RPS6KA2: variants seen among roughly 807,000 people sequenced by gnomAD.
The protein encoded by RPS6KA2 is ribosomal protein S6 kinase alpha-2.
In RPS6KA2, 42 loss-of-function variants were observed where a neutral mutation model predicts 91.8. That is an observed-to-expected ratio of 0.46 (90% CI 0.36 to 0.59). The LOEUF is 0.59. Ranked by LOEUF, RPS6KA2 falls within the 20% of genes least tolerant of loss-of-function variation. The pLI is 0.00. For synonymous variants in RPS6KA2, 414 were observed against 393.6 expected (o/e 1.05, Z -0.61); for missense variants, 798 against 978.5 (o/e 0.82, Z 2.46).
intron 1 of RPS6KA2, among the ~76,000 whole-genome samples, chr6:166,567,058 A>G (rs1036832364): frequency 6.6e-6 from 1 of 152,256 alleles, no homozygotes; most frequent in African/African-American, 2.4e-5. Flanking sequence ...GGTCACATGA[A>G]TTAATGGCAA....
chr6:166,818,996 T>G (rs6929880), intron 2 of RPS6KA2, among the ~76,000 whole-genome samples: 94,983 of 151,654 alleles, frequency 0.63, 31,182 homozygotes, highest in Non-Finnish European at 0.74. Context: ...TCAGGATGCA[T>G]GTTTTCTTAT....
chr6:166,415,968 T>C (rs1562478353), intron 19 of RPS6KA2, among the ~76,000 whole-genome samples: 3 of 105,610 alleles, frequency 2.8e-5, no homozygotes, highest in Admixed American at 1.0e-4. Context: ...ACCATCATCT[T>C]CACCATCTCC....
At chr6:166,641,605 C>A (rs1202747321) in intron 2 of RPS6KA2, among the ~76,000 whole-genome samples, 2 of 150,532 alleles carry the variant, frequency 1.3e-5, no homozygotes, top group East Asian at 3.9e-4. Context: ...TGCCTGTAAT[C>A]CCAGCTACAC....
intron 10 of RPS6KA2, among the ~76,000 whole-genome samples, chr6:166,477,855 G>A (rs1003227060): frequency 1.3e-5 from 2 of 152,138 alleles, no homozygotes; most frequent in African/African-American, 4.8e-5. Context: ...AGACTGAAGT[G>A]AGTCATGATT....
At chr6:166,616,823 G>A (rs979198943) in intron 1 of RPS6KA2, among the ~76,000 whole-genome samples, 15 of 152,242 alleles carry the variant, frequency 9.9e-5, no homozygotes, top group African/African-American at 3.6e-4. Flanking sequence ...TGCCCATGGG[G>A]GGCTGCCCAG....
intron 14 of RPS6KA2, among the ~76,000 whole-genome samples, chr6:166,441,633 G>T (rs1390481827): frequency 6.6e-6 from 1 of 152,252 alleles, no homozygotes; most frequent in East Asian, 1.9e-4. Flanking sequence ...GCTCCCCTGA[G>T]TCCTCTCCTT....
intron 1 of RPS6KA2, among the ~76,000 whole-genome samples, chr6:166,594,931 T>G (rs1785490388): frequency 6.6e-6 from 1 of 152,178 alleles, no homozygotes; most frequent in Non-Finnish European, 1.5e-5. Context: ...TGGAAGGAGA[T>G]CTGGAAACTG....
chr6:166,433,622 T>C lies in RPS6KA2; in HGVS notation c.1333-1132A>G, dbSNP rs1164376352. Reference sequence around the variant, plus strand: ...AACCATGATTTGTACTATTCTCACATTAGTTCAACCTAATTTTAAAATAGT... The same window carrying C: ...AACCATGATTTGTACTATTCTCACACTAGTTCAACCTAATTTTAAAATAGT... On this transcript the variant is annotated intron_variant, in intron 14 of 20. Transcript: ENST00000265678. The surrounding 1 kb of genome is among the most constrained non-coding windows in gnomAD (Gnocchi z 4.4). 6.6e-6 allele frequency among the ~76,000 whole-genome samples: 1 copy of C among 152,230 alleles called. No homozygotes were observed. Among genetic ancestry groups the C allele is most frequent in the East Asian group, 1.9e-4 (1 of 5,204 alleles).
chr6:166,618,433 G>T (rs1050445803), intron 1 of RPS6KA2, among the ~76,000 whole-genome samples: 1 of 152,172 alleles, frequency 6.6e-6, no homozygotes, highest in Non-Finnish European at 1.5e-5. Context: ...GTGTGGAAGG[G>T]GTATGGGTAG....
chr6:166,616,494 A>G (rs1786417266), intron 1 of RPS6KA2, among the ~76,000 whole-genome samples: 1 of 152,208 alleles, frequency 6.6e-6, no homozygotes, highest in South Asian at 2.1e-4. Context: ...GTTCACATAC[A>G]TGACGGTACA....
intron 1 of RPS6KA2, among the ~76,000 whole-genome samples, chr6:166,574,526 A>G (rs566991051): frequency 1.7e-4 from 26 of 152,348 alleles, no homozygotes; most frequent in Non-Finnish European, 3.5e-4. Context: ...TCTATCACGT[A>G]TATGTACCAC....
intron 2 of RPS6KA2, among the ~76,000 whole-genome samples, chr6:166,642,056 A>T (rs1446426796): frequency 6.6e-6 from 1 of 152,060 alleles, no homozygotes; most frequent in Non-Finnish European, 1.5e-5. Flanking sequence ...GACCCCCAAA[A>T]TCCCCAGGAG....
chr6:166,481,965 T>C (rs1673026724), intron 10 of RPS6KA2, among the ~76,000 whole-genome samples: 1 of 151,620 alleles, frequency 6.6e-6, no homozygotes, highest in South Asian at 2.1e-4. Flanking sequence ...CTGAGTTCTC[T>C]GGTAAGATGG....
chr6:166,541,634 A>C (rs1783658601), intron 1 of RPS6KA2, among the ~76,000 whole-genome samples: 1 of 152,168 alleles, frequency 6.6e-6, no homozygotes, highest in Non-Finnish European at 1.5e-5. Context: ...CGCCTTCCTC[A>C]GCACTTCCAA....
At chr6:166,723,530 A>T (rs576827532) in intron 2 of RPS6KA2, among the ~76,000 whole-genome samples, 122 of 152,100 alleles carry the variant, frequency 8.0e-4, no homozygotes, top group Middle Eastern at 6.8e-3. Flanking sequence ...CCAGTACATC[A>T]AAGTGGCAGC....
chr6:166,461,074 C>G (rs1052643095), intron 11 of RPS6KA2, among the ~76,000 whole-genome samples: 7 of 152,084 alleles, frequency 4.6e-5, no homozygotes, highest in Non-Finnish European at 1.0e-4. Context: ...CCAACAGACG[C>G]CCCCGAGCTC....
At chr6:166,517,593 A>G (rs1782703035) in intron 3 of RPS6KA2, among the ~76,000 whole-genome samples, 1 of 148,338 alleles carries the variant, frequency 6.7e-6, no homozygotes, top group African/African-American at 2.5e-5. Context: ...CTCCTGCCTC[A>G]GCCTCCCGAG....
intron 2 of RPS6KA2, among the ~76,000 whole-genome samples, chr6:166,688,154 A>C (rs1194153215): frequency 1.3e-5 from 2 of 152,138 alleles, no homozygotes; most frequent in Non-Finnish European, 2.9e-5. Context: ...CTGGAAGGCG[A>C]AGGAGCTGGC....
At chr6:166,617,160 C>A (rs1293887566) in intron 1 of RPS6KA2, among the ~76,000 whole-genome samples, 1 of 152,252 alleles carries the variant, frequency 6.6e-6, no homozygotes, top group African/African-American at 2.4e-5. Context: ...CACTATAAAT[C>A]TCTATCAGCA....
Sources: allele counts gnomAD v4.1 joint callset (sites outside exome capture counted in the v4.1 genomes callset), GRCh38; gene constraint gnomAD v4.1.1; non-coding constraint Gnocchi (gnomAD v3.1); transcripts MANE v1.5; gene names NCBI Gene and HGNC (gene_info 2026-07-23, HGNC 2026-07-21).